The following PIGX variants were observed in gnomAD, a reference collection of about 807,000 sequenced individuals.
The protein encoded by PIGX is phosphatidylinositol glycan anchor biosynthesis class X.
PIGX carries 24 observed loss-of-function variants against 28.7 expected under a neutral mutation model. The ratio of observed to expected loss-of-function variants is 0.84; its 90% CI spans 0.60 to 1.17. The LOEUF (loss-of-function observed/expected upper bound fraction) is 1.17, where lower values mean the gene tolerates loss of function less well. PIGX is among the 50% of genes most tolerant of loss of function. The pLI is 0.00. For synonymous variants in PIGX, 127 were observed against 121.0 expected, an observed-to-expected ratio of 1.05 and a Z score of -0.33; for missense variants, 305 against 317.8, an observed-to-expected ratio of 0.96 and a Z score of 0.31.
chr3:196,721,980 G>A lies in PIGX; in HGVS notation c.177-435G>A, dbSNP rs377598465. 4.6e-5 allele frequency among the ~76,000 whole-genome samples: 7 copies of A among 152,250 alleles called. No individual in the cohort carries two copies. In the South Asian group the frequency reaches 1.5e-3, roughly 32 times the overall value. ...TTACCCAGGCTGGTCTCGAATTCCT[G>A]AGCTCAGGCAGTCCACCTGCCTCAG... On this transcript the variant is annotated intron_variant, in intron 2 of 5. Coordinates refer to ENST00000392391, the MANE Select transcript of PIGX (RefSeq NM_017861.4).
chr3:196,729,967 G>A (rs1454848033), intron 4 of PIGX, among the ~76,000 whole-genome samples: 10 of 151,610 alleles, frequency 6.6e-5, no homozygotes, highest in African/African-American at 2.2e-4. Context: ...CTACTTGGGA[G>A]GCTGAGGCAC....
chr3:196,733,651 G>C lies in PIGX; in HGVS notation c.634-108G>C. The stretch of plus-strand genomic sequence containing the variant: ...TGGTTTTGAACTCCTGACCTCAAGC[G>C]ATCTGCCCGCCTTGGCCTCCCGAAG... On this transcript the variant is annotated intron_variant, in intron 5 of 5. Transcript: ENST00000392391. This position sits in a 1 kb window ranked among gnomAD's most constrained non-coding sequence, Gnocchi z 4.3. 1.3e-6 allele frequency: 1 copy of C among 746,796 alleles called. No homozygotes were observed. Among genetic ancestry groups the C allele is most frequent in the Non-Finnish European group, 2.3e-6 (1 of 433,942 alleles). 46.3% of individuals were successfully genotyped at this position (746,796 alleles called of 1,614,324 possible). A position where few individuals can be genotyped will look rare whatever the true frequency, so the allele number is the denominator to read the frequency against.
intron 1 of PIGX, 59 bp from the exon 2 acceptor site, chr3:196,716,799 T>A (rs989540211): frequency 1.4e-5 from 11 of 807,060 alleles, no homozygotes; most frequent in Non-Finnish European, 1.8e-5. Context: ...TTATAATTAT[T>A]TAAATATTAT....
rs760345588 is a variant in PIGX, at chr3:196,735,489, T to G, written c.*1587T>G. On this transcript the variant is annotated 3_prime_UTR_variant, in exon 6 of 6. Coordinates refer to ENST00000392391, the MANE Select transcript of PIGX (RefSeq NM_017861.4). ...TTTGGTGTTTTCATGGGACTACATC[T>G]TGTATAATTTGACATGTATGACCTG... is the stretch of plus-strand genomic sequence containing the variant. The G allele has an allele frequency of 2.0e-5, 3 of 152,042 alleles. No homozygotes were observed. Among genetic ancestry groups the G allele is most frequent in the Admixed American group, 6.6e-5 (1 of 15,246 alleles). 9.4% of individuals were successfully genotyped at this position (152,042 alleles called of 1,614,324 possible). A position where few individuals can be genotyped will look rare whatever the true frequency, so the allele number is the denominator to read the frequency against.
intron 1 of PIGX, among the ~76,000 whole-genome samples, chr3:196,714,946 C>T (rs994481807): frequency 2.6e-5 from 4 of 151,992 alleles, no homozygotes; most frequent in African/African-American, 9.7e-5. Context: ...CGTAGTGGCG[C>T]GTGCCTGTAG....
Position 196,722,401 on chromosome 3 carries a change from T to C in PIGX, c.177-14T>C. On this transcript the variant is annotated splice_polypyrimidine_tract_variant and intron_variant, in intron 2 of 5. Transcript: ENST00000392391. The stretch of plus-strand genomic sequence containing the variant: ...TGAATGAAGAGATTTACTTTCAATG[T>C]ACTTGTCTTACAGAGACCTTTTAAT... The C allele has an allele frequency of 6.3e-7, 1 of 1,590,526 alleles. No individual in the cohort carries two copies. The highest frequency in any genetic ancestry group is 1.7e-4 in the Middle Eastern group (1 of 6,006).
At chr3:196,729,897 C>T (rs1004138319) in intron 4 of PIGX, among the ~76,000 whole-genome samples, 1 of 151,342 alleles carries the variant, frequency 6.6e-6, no homozygotes, top group African/African-American at 2.4e-5. Flanking sequence ...TGGTGAAACC[C>T]TGTCTCTACT....
intron 1 of PIGX, among the ~76,000 whole-genome samples, chr3:196,714,058 A>C (rs1427463474): frequency 6.6e-6 from 1 of 152,188 alleles, no homozygotes; most frequent in African/African-American, 2.4e-5. Context: ...TCTGGTGTAC[A>C]TACCAGTAGA....
rs1212518038 is a variant in PIGX at position 196,726,730 on chromosome 3, A to G, written c.319-1193A>G. The G allele has an allele frequency of 1.8e-5, 8 of 455,120 alleles. 1 individual carries two copies. The highest frequency in any genetic ancestry group is 1.2e-4 in the South Asian group (8 of 64,254). The allele number at this position is 455,120 out of a possible 1,614,324, so 28.2% of individuals were successfully genotyped here. On this transcript the variant is annotated intron_variant, in intron 3 of 5. Coordinates refer to ENST00000392391, the MANE Select transcript of PIGX (RefSeq NM_017861.4). ...CCCTAGTGGAATAAGGAACGAATTT[A>G]TTGCAGACATTGTAAGCAAGAACAA...
Position 196,735,983 on chromosome 3 carries a change from G to A in PIGX, c.*2081G>A, listed in dbSNP as rs1712987135. The A allele has an allele frequency of 6.6e-6, 1 of 152,160 alleles. No individual in the cohort carries two copies. Among genetic ancestry groups the A allele is most frequent in the Admixed American group, 6.5e-5 (1 of 15,274 alleles). The allele number at this position is 152,160 out of a possible 1,614,324, so 9.4% of individuals were successfully genotyped here. A position where few individuals can be genotyped will look rare whatever the true frequency, so the allele number is the denominator to read the frequency against. ...CTCACTTATACAAATATTCAGAAGTGTAATAAAAATGTGAATGAAGAAAAC... is the reference window on the plus strand; with the variant it reads ...CTCACTTATACAAATATTCAGAAGTATAATAAAAATGTGAATGAAGAAAAC... On this transcript the variant is annotated 3_prime_UTR_variant, in exon 6 of 6. Coordinates refer to ENST00000392391, the MANE Select transcript of PIGX (RefSeq NM_017861.4).
chr3:196,731,717 A>G (rs914246916), intron 5 of PIGX, among the ~76,000 whole-genome samples: 2 of 152,216 alleles, frequency 1.3e-5, no homozygotes, highest in African/African-American at 2.4e-5. Flanking sequence ...GATTATGTCA[A>G]TGAAGAGTAT....
chr3:196,716,043 C>T (rs1020661127), intron 1 of PIGX, among the ~76,000 whole-genome samples: 3 of 151,542 alleles, frequency 2.0e-5, no homozygotes, highest in African/African-American at 4.9e-5. Flanking sequence ...GACAAGGTCT[C>T]TCTCTGTCAC....
chr3:196,728,535 AT>A (rs144938573), intron 4 of PIGX, among the ~76,000 whole-genome samples: 2,432 of 152,224 alleles, frequency 0.016, 54 homozygotes, highest in African/African-American at 0.055. Flanking sequence ...AAAATCTATT[AT>A]TTCCATTAAG....
At position 196,734,137 on chromosome 3, in the gene PIGX, T is replaced by C. The variant is rs1246598219; in HGVS notation, c.*235T>C. 7.9e-6 allele frequency: 3 copies of C among 378,526 alleles called. No homozygotes were observed. The highest frequency in any genetic ancestry group is 4.4e-5 in the Admixed American group (1 of 22,916). The allele number at this position is 378,526 out of a possible 1,614,324, so 23.4% of individuals were successfully genotyped here. ...GCCATAAGGGGAAACTTAATTCTGC[T>C]AAATTAATGTTTATTTTGTGAGAAG... On this transcript the variant is annotated 3_prime_UTR_variant, in exon 6 of 6. Transcript: ENST00000392391.
chr3:196,728,814 T>C, intron 4 of PIGX: 1 of 763,120 alleles, frequency 1.3e-6, no homozygotes, highest in Non-Finnish European at 2.4e-6. Flanking sequence ...GTACTATGTG[T>C]TTCTTTTTGC....
At chr3:196,715,677 GTGTT>G (rs1279370824) in intron 1 of PIGX, among the ~76,000 whole-genome samples, 1 of 152,124 alleles carries the variant, frequency 6.6e-6, no homozygotes, top group African/African-American at 2.4e-5. Flanking sequence ...TTTTCTGTAT[GTGTT>G]TGGGGTTTGT....
At chr3:196,726,842 T>G (rs1364845076) in intron 3 of PIGX, 1 of 263,196 alleles carries the variant, frequency 3.8e-6, no homozygotes, top group Non-Finnish European at 7.8e-6. Flanking sequence ...AGATGACTTA[T>G]AGTAATGAGC....
At chr3:196,730,027 G>A (rs1328847693) in intron 4 of PIGX, among the ~76,000 whole-genome samples, 1 of 149,262 alleles carries the variant, frequency 6.7e-6, no homozygotes, top group Admixed American at 6.7e-5. Context: ...CTGAGATCGC[G>A]CCACTGCAGT....
intron 1 of PIGX, among the ~76,000 whole-genome samples, chr3:196,715,772 T>C (rs1416762072): frequency 6.6e-6 from 1 of 152,108 alleles, no homozygotes; most frequent in Admixed American, 6.5e-5. Context: ...GCAGCCTCCC[T>C]CTGCCTCCTG....
Sources: allele counts gnomAD v4.1 joint callset (sites outside exome capture counted in the v4.1 genomes callset), GRCh38; gene constraint gnomAD v4.1.1; non-coding constraint Gnocchi (gnomAD v3.1); transcripts MANE v1.5; gene names NCBI Gene and HGNC (gene_info 2026-07-23, HGNC 2026-07-21).